RYR1: variants seen among roughly 807,000 people sequenced by gnomAD.
The protein encoded by RYR1 is central core disease of muscle.
Under a neutral mutation model 583.5 loss-of-function variants are expected in RYR1, and 342 were observed. That is an observed-to-expected ratio of 0.59 (90% CI 0.54 to 0.64). RYR1 has a LOEUF of 0.64. Among genes scored for constraint, RYR1 ranks in the 30% least tolerant of loss-of-function variants. The pLI, the probability that RYR1 is intolerant of heterozygous loss-of-function variation, is 0.00. For synonymous variants in RYR1, 2,791 were observed against 2,822.5 expected (o/e 0.99, Z 0.35); for missense variants, 6,032 against 6,917.2 (o/e 0.87, Z 4.54).
At position 38,565,970 on chromosome 19, in the gene RYR1, G is replaced by C. The variant is rs565929931; in HGVS notation, c.13437+199G>C. Among the ~76,000 whole-genome samples the C allele has an allele frequency of 6.6e-6, 1 of 152,094 alleles. No individual in the cohort carries two copies. Among genetic ancestry groups the C allele is most frequent in the East Asian group, 1.9e-4 (1 of 5,170 alleles). On this transcript the variant is annotated intron_variant, in intron 91 of 105. Transcript: ENST00000359596. The surrounding 1 kb of genome is among the most constrained non-coding windows in gnomAD (Gnocchi z 4.7). ...CAAGAGAGACGCTCAGAGACAGAGG[G>C]ATACTCAGACCCACAGAGAAAGAGA... is the stretch of plus-strand genomic sequence containing the variant.
chr19:38,473,565 C>G lies in RYR1; in HGVS notation c.3954C>G (p.Ala1318=), dbSNP rs779383194. The G allele has an allele frequency of 6.9e-6, 11 of 1,599,330 alleles. No homozygotes were observed. Among genetic ancestry groups the G allele is most frequent in the Non-Finnish European group, 9.4e-6 (11 of 1,173,706 alleles). ...CACCTCCTGGCCTGCAGCCCCCCGC[C>G]GAGGACGAGGCCCGGGCGGCGGAAC... is the stretch of plus-strand genomic sequence containing the variant. The part of the protein sequence containing the change: ...PLAPPGLQPP[A]EDEARAAEPD... Residue 1318 remains alanine (A), a synonymous_variant, in exon 28 of 106, where the codon GCC becomes GCG. Coordinates refer to ENST00000359596, the MANE Select transcript of RYR1 (RefSeq NM_000540.3).
intron 3 of RYR1, among the ~76,000 whole-genome samples, chr19:38,442,807 CT>C: frequency 6.6e-6 from 1 of 152,308 alleles, no homozygotes; most frequent in African/African-American, 2.4e-5. Flanking sequence ...TTCTGAGCCC[CT>C]GTCCCCGACG....
Position 38,561,482 on chromosome 19 carries a change from C to A in RYR1, c.12624+28C>A. 6.3e-7 allele frequency: 1 copy of A among 1,592,014 alleles called. No homozygotes were observed. The highest frequency in any genetic ancestry group is 1.1e-5 in the South Asian group (1 of 90,032). On this transcript the variant is annotated intron_variant, in intron 90 of 105. Transcript: ENST00000359596. The surrounding 1 kb of genome is among the most constrained non-coding windows in gnomAD (Gnocchi z 4.8). ...CAGGGAACCCGCGCGCGTGCAAGCTCGCCTCCTGGGGCTTCGGGCATGCGG... is the reference window on the plus strand; with the variant it reads ...CAGGGAACCCGCGCGCGTGCAAGCTAGCCTCCTGGGGCTTCGGGCATGCGG...
intron 1 of RYR1, among the ~76,000 whole-genome samples, chr19:38,434,992 A>G (rs1023879609): frequency 1.2e-4 from 19 of 152,170 alleles, no homozygotes; most frequent in African/African-American, 4.3e-4. Context: ...GCCTAGCTTC[A>G]GCCGAGACTC....
In RYR1 at chr19:38,458,213, G is replaced by T. The variant is rs749565815; in HGVS notation, c.2088G>T (p.Gly696=). The change falls in exon 18 of 106, where the codon GGG becomes GGT. Residue 696 remains glycine, a synonymous_variant. Transcript: ENST00000359596. ...CCGAGGGCTACACCCCCTACCCTGG[G>T]GCCGGCGAGGGCTGGGGCGGCAACG... ...ALTEGYTPYP[G]AGEGWGGNGV... The T allele has an allele frequency of 4.3e-6, 7 of 1,613,948 alleles. No individual in the cohort carries two copies. Among genetic ancestry groups the T allele is most frequent in the Admixed American group, 1.7e-5 (1 of 60,034 alleles).
chr19:38,520,674 A>G (rs1971185643), intron 67 of RYR1, among the ~76,000 whole-genome samples: 1 of 145,954 alleles, frequency 6.9e-6, no homozygotes, highest in African/African-American at 2.5e-5. Context: ...CAGCCTAGGA[A>G]CAGAGCGAGG....
chr19:38,524,579 C>T (rs892430807), intron 70 of RYR1, among the ~76,000 whole-genome samples: 1 of 152,222 alleles, frequency 6.6e-6, no homozygotes, highest in Non-Finnish European at 1.5e-5. Flanking sequence ...CAGGGCTTCT[C>T]GCTGGCGTGA....
chr19:38,465,618 G>T (rs1278234587), intron 23 of RYR1, among the ~76,000 whole-genome samples: 1 of 152,128 alleles, frequency 6.6e-6, no homozygotes, highest in African/African-American at 2.4e-5. Context: ...TACAAAATTA[G>T]CCGGGTGTGG....
rs1213226786 is a variant in RYR1 at position 38,532,505 on chromosome 19, T to C, written c.11157T>C (p.Asp3719=). The change falls in exon 77 of 106, where the codon GAT becomes GAC. Residue 3719 remains aspartate (D), a synonymous_variant. Transcript: ENST00000359596. ...ALTEKSKLDE[D]YLYMAYADIM... ...ACTTCCCCAGCAAACTGGATGAGGA[T>C]TACCTGTACATGGCCTATGCTGATA... The C allele has an allele frequency of 1.2e-6, 2 of 1,614,030 alleles. No homozygotes were observed. The highest frequency in any genetic ancestry group is 8.5e-7 in the Non-Finnish European group (1 of 1,180,044).
intron 57 of RYR1, 66 bp from the exon 58 acceptor site, chr19:38,507,646 C>G: frequency 1.9e-6 from 2 of 1,044,414 alleles, no homozygotes; most frequent in Non-Finnish European, 3.0e-6. Flanking sequence ...AGAGGCGGAC[C>G]TGAGAAGGGT....
In RYR1 at chr19:38,528,594, T is replaced by C; in HGVS notation, c.10938-5T>C. 5.6e-6 allele frequency: 9 copies of C among 1,614,070 alleles called. No individual in the cohort carries two copies. The highest frequency in any genetic ancestry group is 1.3e-5 in the African/African-American group (1 of 75,022). On this transcript the variant is annotated splice_region_variant and splice_polypyrimidine_tract_variant and intron_variant, in intron 74 of 105. Coordinates refer to ENST00000359596, the MANE Select transcript of RYR1 (RefSeq NM_000540.3). ...TCCCAGTGACGTCACACCTCTCCCCTGCAGGCACCGGGCATGTAACATGTT... is the reference window on the plus strand; with the variant it reads ...TCCCAGTGACGTCACACCTCTCCCCCGCAGGCACCGGGCATGTAACATGTT...
Position 38,536,787 on chromosome 19 carries a change from C to G in RYR1, c.11608+20C>G. ...AGAACGGTAATTCCCCCAGCCCACCCCCGTGCTGTGCTGCTGTCACCCACC... is the reference window on the plus strand; with the variant it reads ...AGAACGGTAATTCCCCCAGCCCACCGCCGTGCTGTGCTGCTGTCACCCACC... On this transcript the variant is annotated intron_variant, in intron 83 of 105. Coordinates refer to ENST00000359596, the MANE Select transcript of RYR1 (RefSeq NM_000540.3). 1 of 1,613,638 alleles carries G rather than the reference C, an allele frequency of 6.2e-7. No individual in the cohort carries two copies.
chr19:38,540,986 A>T (rs941422689), intron 84 of RYR1, among the ~76,000 whole-genome samples: 14 of 152,224 alleles, frequency 9.2e-5, no homozygotes, highest in Admixed American at 2.6e-4. Flanking sequence ...AGTATAATAA[A>T]CCCCCAACTA....
chr19:38,510,852 C>T, intron 60 of RYR1, 71 bp downstream of exon 60: 1 of 1,605,728 alleles, frequency 6.2e-7, no homozygotes, highest in Non-Finnish European at 8.5e-7. Context: ...CATGGAGGCT[C>T]TGTCCTGGGT....
At chr19:38,446,807 G>A in intron 9 of RYR1, 39 bp downstream of exon 9, 5 of 1,541,604 alleles carry the variant, frequency 3.2e-6, no homozygotes, top group Non-Finnish European at 4.5e-6. Flanking sequence ...GGGAGAGGCT[G>A]GGGTCACCTG....
In RYR1 at chr19:38,522,998, C is replaced by G. The variant is rs200603014; in HGVS notation, c.10260-30C>G. The G allele has an allele frequency of 5.8e-6, 9 of 1,545,900 alleles. No individual in the cohort carries two copies. The East Asian group carries it at 1.4e-4, about 25-fold the overall frequency. On this transcript the variant is annotated intron_variant, in intron 67 of 105. Coordinates refer to ENST00000359596, the MANE Select transcript of RYR1 (RefSeq NM_000540.3). ...GCCCCCTTCCCTGGGATCCCCACCCCCTCCCTCACCTCCCCTCCGCTGACC... is the reference window on the plus strand; with the variant it reads ...GCCCCCTTCCCTGGGATCCCCACCCGCTCCCTCACCTCCCCTCCGCTGACC...
intron 1 of RYR1, among the ~76,000 whole-genome samples, chr19:38,438,395 T>A (rs1193837920): frequency 2.7e-5 from 4 of 150,848 alleles, no homozygotes; most frequent in African/African-American, 9.8e-5. Flanking sequence ...TGATTTTTTT[T>A]TTTTCCTTTT....
In RYR1 at chr19:38,523,130, C is replaced by T; in HGVS notation, c.10347+15C>T. On this transcript the variant is annotated intron_variant, in intron 68 of 105. Transcript: ENST00000359596. Reference sequence around the variant, plus strand: ...CCAAGTCCCACGTGAGTGCCCACCCCAACCGCCCTCCCCACAACCAGAGGA... The same window carrying T: ...CCAAGTCCCACGTGAGTGCCCACCCTAACCGCCCTCCCCACAACCAGAGGA... The T allele has an allele frequency of 6.2e-7, 1 of 1,613,894 alleles. No homozygotes were observed. Among genetic ancestry groups the T allele is most frequent in the South Asian group, 1.1e-5 (1 of 91,080 alleles).
In RYR1 at chr19:38,561,838, C is replaced by T. The variant is rs1402597164; in HGVS notation, c.12624+384C>T. On this transcript the variant is annotated intron_variant, in intron 90 of 105. Transcript: ENST00000359596. The surrounding 1 kb of genome is among the most constrained non-coding windows in gnomAD (Gnocchi z 4.8). Reference sequence around the variant, plus strand: ...TCACCTCCTCGAACCTGCATGGCGACACACCCCTTGCTCACCTTCCCAGTA... The same window carrying T: ...TCACCTCCTCGAACCTGCATGGCGATACACCCCTTGCTCACCTTCCCAGTA... 6.6e-6 allele frequency among the ~76,000 whole-genome samples: 1 copy of T among 152,154 alleles called. No individual in the cohort carries two copies. Among genetic ancestry groups the T allele is most frequent in the Non-Finnish European group, 1.5e-5 (1 of 68,000 alleles).
Sources: allele counts gnomAD v4.1 joint callset (sites outside exome capture counted in the v4.1 genomes callset), GRCh38; gene constraint gnomAD v4.1.1; non-coding constraint Gnocchi (gnomAD v3.1); transcripts MANE v1.5; gene names NCBI Gene and HGNC (gene_info 2026-07-23, HGNC 2026-07-21).